Variants in SLC8A1 observed in about 807,000 individuals in gnomAD.
The protein encoded by SLC8A1 is solute carrier family 8 member A1.
In SLC8A1, 18 loss-of-function variants were observed where a neutral mutation model predicts 68.3. The observed-to-expected ratio is 0.26, with a 90% CI of 0.18 to 0.39. SLC8A1 has a LOEUF of 0.39. Among genes scored for constraint, SLC8A1 ranks in the 10% least tolerant of loss-of-function variants. The pLI is 1.00. For missense variants in SLC8A1, 985 were observed against 1,156.7 expected (o/e 0.85, Z 2.15); for synonymous variants, 475 against 415.5 (o/e 1.14, Z -1.74).
Position 40,172,898 on chromosome 2 carries a change from C to T in SLC8A1, c.1930+1927G>A, listed in dbSNP as rs145409569. On this transcript the variant is annotated intron_variant, in intron 4 of 7. Transcript: ENST00000406785. The stretch of plus-strand genomic sequence containing the variant: ...TGGAGGTTGCAGTGAGCCGAGATCG[C>T]GCCACTGTACTCCAGCCTGGCAACA... Among the ~76,000 whole-genome samples the T allele has an allele frequency of 1.3e-3, 204 of 152,164 alleles. 1 individual carries two copies. The highest frequency in any genetic ancestry group is 6.6e-3 in the East Asian group (34 of 5,154).
rs569488513 is a variant in SLC8A1 at position 40,313,879 on chromosome 2, T to C, written c.1808+114594A>G. Among the ~76,000 whole-genome samples, 5 of 152,214 alleles carry C rather than the reference T, an allele frequency of 3.3e-5. No individual in the cohort carries two copies. In the South Asian group the frequency reaches 1.0e-3, roughly 32 times the overall value. On this transcript the variant is annotated intron_variant, in intron 2 of 7. Coordinates refer to ENST00000406785, the Ensembl canonical transcript of SLC8A1. ...AATATTTGACCAATTTTTTGCTGTG[T>C]TTTCTTAATTGTTAAATTTTGAGCA...
At chr2:40,108,105 T>C (rs1389434114) in exon 8 of SLC8A1, 3 of 152,034 alleles carry the variant, frequency 2.0e-5, no homozygotes, top group Admixed American at 6.6e-5. Flanking sequence ...AATGTAAAAA[T>C]CAACATCAAA....
intron 2 of SLC8A1, among the ~76,000 whole-genome samples, chr2:40,361,838 T>C (rs909830667): frequency 3.3e-5 from 5 of 151,704 alleles, no homozygotes; most frequent in Admixed American, 3.3e-4. Flanking sequence ...ATGCATAATT[T>C]TTCAATAATA....
chr2:40,488,452 TTGTG>T (rs58801295), intron 1 of SLC8A1, among the ~76,000 whole-genome samples: 18 of 149,312 alleles, frequency 1.2e-4, no homozygotes, highest in Admixed American at 2.0e-4. Context: ...ACTTTCTAGT[TTGTG>T]TGTGTGTGTG....
chr2:40,238,686 T>G (rs2060785658), intron 2 of SLC8A1, among the ~76,000 whole-genome samples: 1 of 152,244 alleles, frequency 6.6e-6, no homozygotes, highest in Admixed American at 6.5e-5. Flanking sequence ...CAATCAGTCT[T>G]CTATATTCCT....
chr2:40,396,190 G>A (rs1321869989), intron 2 of SLC8A1, among the ~76,000 whole-genome samples: 1 of 152,114 alleles, frequency 6.6e-6, no homozygotes, highest in Non-Finnish European at 1.5e-5. Flanking sequence ...AAAATGTGAG[G>A]TATATGTAAT....
intron 2 of SLC8A1, among the ~76,000 whole-genome samples, chr2:40,346,095 C>T (rs1053121427): frequency 6.8e-6 from 1 of 146,454 alleles, no homozygotes; most frequent in Non-Finnish European, 1.5e-5. Context: ...AAAGAAAACC[C>T]TCAAGTTTCC....
At chr2:40,127,785 G>C (rs554706911) in intron 7 of SLC8A1, among the ~76,000 whole-genome samples, 3 of 152,270 alleles carry the variant, frequency 2.0e-5, no homozygotes, top group African/African-American at 7.2e-5. Context: ...TCGAGGGAGA[G>C]AAAACAAATA....
chr2:40,436,596 G>C (rs1297056050), intron 1 of SLC8A1, among the ~76,000 whole-genome samples: 1 of 152,050 alleles, frequency 6.6e-6, no homozygotes, highest in East Asian at 1.9e-4. Context: ...TGTTAAGAGG[G>C]CCCTAACACT....
chr2:40,122,002 T>C (rs1302307048), intron 7 of SLC8A1, among the ~76,000 whole-genome samples: 1 of 152,106 alleles, frequency 6.6e-6, no homozygotes, highest in Non-Finnish European at 1.5e-5. Context: ...ACAGTGTATA[T>C]ATTCCTCTCT....
intron 2 of SLC8A1, among the ~76,000 whole-genome samples, chr2:40,309,792 T>A (rs1414436026): frequency 6.6e-6 from 1 of 152,098 alleles, no homozygotes; most frequent in Non-Finnish European, 1.5e-5. Flanking sequence ...GCGTGAGCTA[T>A]CGTTCCCATC....
At chr2:40,244,280 C>A (rs764596682) in intron 2 of SLC8A1, among the ~76,000 whole-genome samples, 3 of 152,152 alleles carry the variant, frequency 2.0e-5, no homozygotes, top group Non-Finnish European at 2.9e-5. Context: ...GACCCACAGG[C>A]TAACAGCCAT....
At position 40,374,477 on chromosome 2, in the gene SLC8A1, T is replaced by C. The variant is rs546003595; in HGVS notation, c.1808+53996A>G. On this transcript the variant is annotated intron_variant, in intron 2 of 7. Coordinates refer to ENST00000406785, the Ensembl canonical transcript of SLC8A1. Reference sequence around the variant, plus strand: ...ATTCAGGTGTGTGTGTATATATATATGTATGTATTTGGAATTATAAACTGT... The same window carrying C: ...ATTCAGGTGTGTGTGTATATATATACGTATGTATTTGGAATTATAAACTGT... Among the ~76,000 whole-genome samples the C allele has an allele frequency of 2.0e-5, 3 of 152,172 alleles. No individual in the cohort carries two copies. The South Asian group carries it at 6.2e-4, about 32-fold the overall frequency.
At chr2:40,105,388 G>C (rs2034132194) in exon 8 of SLC8A1, 2 of 152,144 alleles carry the variant, frequency 1.3e-5, no homozygotes, top group Admixed American at 6.5e-5. Context: ...CCAGTCTTTG[G>C]GTAAAGGTAT....
At chr2:40,408,610 G>A (rs1190020140) in intron 2 of SLC8A1, among the ~76,000 whole-genome samples, 5 of 152,164 alleles carry the variant, frequency 3.3e-5, no homozygotes, top group Non-Finnish European at 7.3e-5. Flanking sequence ...CAAGTAGGTG[G>A]CCCAACTGTG....
chr2:40,132,307 A>G (rs1261621251), intron 7 of SLC8A1, among the ~76,000 whole-genome samples: 1 of 152,140 alleles, frequency 6.6e-6, no homozygotes, highest in South Asian at 2.1e-4. Flanking sequence ...AAATATGGAC[A>G]AGTCATTTAT....
intron 2 of SLC8A1, among the ~76,000 whole-genome samples, chr2:40,417,359 G>C (rs1439850219): frequency 6.6e-6 from 1 of 152,060 alleles, no homozygotes; most frequent in East Asian, 1.9e-4. Context: ...TGGCCCAGGA[G>C]ACATCATTGG....
Position 40,269,055 on chromosome 2 carries a change from G to T in SLC8A1, c.1809-91200C>A, listed in dbSNP as rs571137408. 5.3e-5 allele frequency among the ~76,000 whole-genome samples: 8 copies of T among 152,314 alleles called. No homozygotes were observed. The South Asian group carries it at 1.2e-3, about 24-fold the overall frequency. On this transcript the variant is annotated intron_variant, in intron 2 of 7. Coordinates refer to ENST00000406785, the Ensembl canonical transcript of SLC8A1. ...ATGCTCCTATGAAAACCACGAAGAT[G>T]ATGGGTCTATGAGACCTGAGAGAGT...
exon 8 of SLC8A1, chr2:40,103,606 A>G (rs755139383): frequency 2.6e-5 from 4 of 152,194 alleles, no homozygotes; most frequent in Non-Finnish European, 4.4e-5. Flanking sequence ...AAAAAATAAA[A>G]GTAGAATTAC....
Sources: allele counts gnomAD v4.1 joint callset (sites outside exome capture counted in the v4.1 genomes callset), GRCh38; gene constraint gnomAD v4.1.1; transcripts MANE v1.5; gene names NCBI Gene and HGNC (gene_info 2026-07-23, HGNC 2026-07-21).